The following MED13 variants were observed in gnomAD, a reference collection of about 807,000 sequenced individuals.
MED13 encodes mediator of RNA polymerase II transcription subunit 13.
In MED13, 23 loss-of-function variants were observed where a neutral mutation model predicts 225.2. The ratio of observed to expected loss-of-function variants is 0.10; its 90% confidence interval spans 0.07 to 0.14. The LOEUF (loss-of-function observed/expected upper bound fraction) is 0.14, where lower values mean the gene tolerates loss of function less well. Ranked by LOEUF, MED13 falls within the 10% of genes least tolerant of loss-of-function variation. The pLI is 1.00. For synonymous variants in MED13, 942 were observed against 889.2 expected (o/e 1.06, Z -1.06); for missense variants, 2,197 against 2,594.5 (o/e 0.85, Z 3.33).
chr17:62,023,054 T>C (rs1251603010), intron 8 of MED13, among the ~76,000 whole-genome samples: 1 of 152,056 alleles, frequency 6.6e-6, no homozygotes. Context: ...TAAAATTAAG[T>C]ATGGAGAAAT....
chr17:62,058,960 C>G (rs2081016976), intron 2 of MED13, among the ~76,000 whole-genome samples: 1 of 152,104 alleles, frequency 6.6e-6, no homozygotes, highest in African/African-American at 2.4e-5. Flanking sequence ...GAAGGTAACC[C>G]AAACAAATGC....
intron 3 of MED13, among the ~76,000 whole-genome samples, 198 bp from the exon 4 acceptor site, chr17:62,035,806 G>A (rs2080797687): frequency 6.6e-6 from 1 of 152,164 alleles, no homozygotes; most frequent in Non-Finnish European, 1.5e-5. Flanking sequence ...TTTATAGTAG[G>A]AAAGGCTGCA....
intron 17 of MED13, 43 bp downstream of exon 17, chr17:61,972,684 C>A: frequency 6.8e-7 from 1 of 1,480,250 alleles, no homozygotes; most frequent in Non-Finnish European, 9.1e-7. Flanking sequence ...AATCTGAGGA[C>A]TGATATAAAA....
chr17:61,998,596 CTTTT>C (rs58261678), intron 9 of MED13, among the ~76,000 whole-genome samples: 9 of 115,540 alleles, frequency 7.8e-5, no homozygotes, highest in East Asian at 2.3e-4. Context: ...TTCCCACCGC[CTTTT>C]TTTTTTTTTT....
chr17:62,047,048 A>G (rs1170541035), intron 3 of MED13, among the ~76,000 whole-genome samples: 4 of 148,456 alleles, frequency 2.7e-5, no homozygotes, highest in South Asian at 2.1e-4. Flanking sequence ...TTTTTTTTTT[A>G]AAGAGACGGG....
intron 23 of MED13, among the ~76,000 whole-genome samples, chr17:61,957,628 G>A (rs1476872899): frequency 6.6e-6 from 1 of 152,032 alleles, no homozygotes; most frequent in African/African-American, 2.4e-5. Context: ...GATTACAGGC[G>A]TGAGCCACCC....
chr17:62,048,045 T>TATACATATACATATACATATACATATAC lies in MED13; in HGVS notation c.470+4491_470+4492insGTATATGTATATGTATATGTATATGTAT, dbSNP rs200841910. Among the ~76,000 whole-genome samples, 9 of 131,802 alleles carry TATACATATACATATACATATACATATAC rather than the reference T, an allele frequency of 6.8e-5. No homozygotes were observed. In the South Asian group the frequency reaches 1.2e-3, roughly 17 times the overall value. 86.5% of individuals were successfully genotyped at this position (131,802 alleles called of 152,430 possible). ...ATATACATATACATATACATATACATATATATATATATATATATGTATATA... is the reference window on the plus strand; with the variant it reads ...ATATACATATACATATACATATACATATACATATACATATACATATACATATACATATATATATATATATATGTATATA... On this transcript the variant is annotated intron_variant, in intron 3 of 29. Transcript: ENST00000397786.
intron 2 of MED13, among the ~76,000 whole-genome samples, chr17:62,060,062 C>T (rs886714264): frequency 1.3e-5 from 2 of 152,092 alleles, no homozygotes; most frequent in Non-Finnish European, 2.9e-5. Context: ...GAGGCCGAGG[C>T]GGGTGGACTG....
At chr17:61,964,348 A>T (rs2080034611) in intron 20 of MED13, among the ~76,000 whole-genome samples, 1 of 151,786 alleles carries the variant, frequency 6.6e-6, no homozygotes, top group African/African-American at 2.4e-5. Flanking sequence ...TGAGGCAGGC[A>T]GATTGCTGAG....
At chr17:61,997,305 C>A (rs888483985) in intron 9 of MED13, among the ~76,000 whole-genome samples, 2 of 152,136 alleles carry the variant, frequency 1.3e-5, no homozygotes, top group Non-Finnish European at 2.9e-5. Flanking sequence ...ATTGCAAAAA[C>A]TAAAATCCCA....
chr17:62,031,872 G>C (rs1292957547), intron 5 of MED13, among the ~76,000 whole-genome samples: 1 of 151,378 alleles, frequency 6.6e-6, no homozygotes, highest in Non-Finnish European at 1.5e-5. Flanking sequence ...TCTTTGCTGA[G>C]AGAGATTTGG....
At chr17:61,955,963 G>C in intron 24 of MED13, 125 bp from the exon 25 acceptor site, 1 of 1,336,118 alleles carries the variant, frequency 7.5e-7, no homozygotes, top group Non-Finnish European at 9.7e-7. Flanking sequence ...TTAAATTAGT[G>C]TATTCCTCCA....
At position 61,993,059 on chromosome 17, in the gene MED13, C is replaced by A. The variant is rs188586314; in HGVS notation, c.2182-438G>T. On this transcript the variant is annotated intron_variant, in intron 10 of 29. Transcript: ENST00000397786. ...GGATTATAAGTATGAGCCACCACGC[C>A]TGGCCTGTGGTATGTTTATCTTATA... Among the ~76,000 whole-genome samples, 6 of 152,222 alleles carry A rather than the reference C, an allele frequency of 3.9e-5. No individual in the cohort carries two copies. In the East Asian group the frequency reaches 1.2e-3, roughly 29 times the overall value.
At chr17:61,963,271 G>C (rs1177403809) in intron 20 of MED13, among the ~76,000 whole-genome samples, 1 of 140,274 alleles carries the variant, frequency 7.1e-6, no homozygotes, top group Non-Finnish European at 1.5e-5. Context: ...TAGGGTAAGG[G>C]TATTAGATAC....
chr17:62,037,530 A>G (rs1678771023), intron 3 of MED13, among the ~76,000 whole-genome samples: 1 of 150,864 alleles, frequency 6.6e-6, no homozygotes, highest in East Asian at 2.0e-4. Flanking sequence ...CCGGAGGTGC[A>G]GTGGTATGCG....
intron 8 of MED13, among the ~76,000 whole-genome samples, chr17:62,026,302 CAATAT>C (rs1446000486): frequency 1.7e-4 from 26 of 151,938 alleles, no homozygotes. Flanking sequence ...ATCATTCAAC[CAATAT>C]AATCCATTAG....
Position 62,065,241 on chromosome 17 carries a change from C to A in MED13, c.-36G>T. 6.6e-7 allele frequency: 1 copy of A among 1,525,766 alleles called. No individual in the cohort carries two copies. Among genetic ancestry groups the A allele is most frequent in the Non-Finnish European group, 8.8e-7 (1 of 1,131,044 alleles). The allele number at this position is 1,525,766 out of a possible 1,614,324, so 94.5% of individuals were successfully genotyped here. On this transcript the variant is annotated 5_prime_UTR_variant, in exon 1 of 30. Transcript: ENST00000397786. The stretch of plus-strand genomic sequence containing the variant: ...AGCAGCCGCCGCCGGCGCCACAACC[C>A]ACCATCCGCCATTACCGCCGCCTCC...
At chr17:62,039,678 G>A (rs999199361) in intron 3 of MED13, among the ~76,000 whole-genome samples, 6 of 144,254 alleles carry the variant, frequency 4.2e-5, no homozygotes, top group African/African-American at 1.0e-4. Context: ...TGCAAACTCC[G>A]CCTCCCGGGT....
rs2080505057 is a variant in MED13, at chr17:62,011,177, C to T, written c.1340G>A (p.Gly447Asp). ...CTTAGGAAGTATTTGTTGTTGCTGA[C>T]CTAAAGATGGTGCCTGTCCTTGTTG... ...AGQQGQAPSL[G>D]QQQQILPKHK... is the part of the protein sequence containing the mutation. The change falls in exon 9 of 30, where the codon GGT (glycine) becomes GAT (aspartate). Residue 447 changes from glycine to aspartate, a missense_variant. This residue lies in a region of MED13 where 884 missense variants were observed against 918.5 expected (regional missense o/e 0.96). Coordinates refer to ENST00000397786, the MANE Select transcript of MED13 (RefSeq NM_005121.3). 2 of 1,613,940 alleles carry T rather than the reference C, an allele frequency of 1.2e-6. No homozygotes were observed. The highest frequency in any genetic ancestry group is 1.3e-5 in the African/African-American group (1 of 74,890).
Sources: gnomAD v4.1 joint callset for allele counts (sites outside exome capture counted in the v4.1 genomes callset) on GRCh38, gnomAD v4.1.1 for gene constraint, gnomAD v4.1.1 regional missense constraint, MANE v1.5 for transcripts, NCBI Gene and HGNC (gene_info 2026-07-23, HGNC 2026-07-21) for gene names.